The following TUBGCP4 variants were observed in gnomAD, a reference collection of about 807,000 sequenced individuals.
TUBGCP4 encodes the protein gamma-tubulin complex component 4.
TUBGCP4 carries 54 observed loss-of-function variants against 91.6 expected under a neutral mutation model. The ratio of observed to expected loss-of-function variants is 0.59; its 90% CI spans 0.47 to 0.74. The LOEUF is 0.74. Ranked by LOEUF, TUBGCP4 falls within the 30% of genes least tolerant of loss-of-function variation. TUBGCP4 has a pLI of 0.00. For missense variants in TUBGCP4, 593 were observed against 800.9 expected, an observed-to-expected ratio of 0.74 and a Z score of 3.13; for synonymous variants, 297 against 302.8, an observed-to-expected ratio of 0.98 and a Z score of 0.20.
At chr15:43,377,987 G>A in intron 5 of TUBGCP4, 84 bp downstream of exon 5, 1 of 1,090,898 alleles carries the variant, frequency 9.2e-7, no homozygotes, top group Non-Finnish European at 1.3e-6. Flanking sequence ...ATTTTTCGAA[G>A]ACCCTAGTTT....
At chr15:43,372,543 G>T (rs896119019) in intron 1 of TUBGCP4, among the ~76,000 whole-genome samples, 4 of 151,598 alleles carry the variant, frequency 2.6e-5, no homozygotes, top group African/African-American at 7.3e-5. Flanking sequence ...CAGGCATATA[G>T]GAGGACAGTA....
At position 43,408,662 on chromosome 15, in the gene TUBGCP4, AG is replaced by A. The variant is rs2045008582; in HGVS notation, c.*3450del. ...TTAAAACTTAGTTCTCTGACTTTAC[AG>A]GTTGAGAATATTGAACCTATATACA... On this transcript the variant is annotated 3_prime_UTR_variant, in exon 18 of 18. Coordinates refer to ENST00000564079, the MANE Select transcript of TUBGCP4 (RefSeq NM_014444.5). 2.0e-6 allele frequency: 1 copy of A among 510,490 alleles called. No homozygotes were observed. The highest frequency in any genetic ancestry group is 1.9e-5 in the African/African-American group (1 of 52,470). The allele number at this position is 510,490 out of a possible 1,614,324, so 31.6% of individuals were successfully genotyped here. A position where few individuals can be genotyped will look rare whatever the true frequency, so the allele number is the denominator to read the frequency against.
Position 43,405,479 on chromosome 15 carries a change from TTCAATAG to T in TUBGCP4, c.*269_*275del. 1.8e-6 allele frequency: 1 copy of T among 546,242 alleles called. No homozygotes were observed. The highest frequency in any genetic ancestry group is 3.3e-6 in the Non-Finnish European group (1 of 306,288). The allele number at this position is 546,242 out of a possible 1,614,324, so 33.8% of individuals were successfully genotyped here. The stretch of plus-strand genomic sequence containing the variant: ...AACATTTGTTGGATATGTTCATTTA[TTCAATAG>T]TCATTTATTGAGCACCTACTACGTA... On this transcript the variant is annotated 3_prime_UTR_variant, in exon 18 of 18. Transcript: ENST00000564079.
At chr15:43,371,556 A>G (rs1254723480) in intron 1 of TUBGCP4, 124 bp downstream of exon 1, 3 of 949,348 alleles carry the variant, frequency 3.2e-6, no homozygotes, top group East Asian at 5.1e-5. Context: ...GTATCCCTGG[A>G]CAGGTGACTG....
chr15:43,378,719 C>T (rs921402224), intron 5 of TUBGCP4, among the ~76,000 whole-genome samples: 2 of 152,228 alleles, frequency 1.3e-5, no homozygotes, highest in Non-Finnish European at 2.9e-5. Context: ...AGCTGATTGT[C>T]CTCATCAAAT....
rs1319935434 is a variant in TUBGCP4 at position 43,409,468 on chromosome 15, C to CTCTT, written c.*4255_*4258dup. 39 of 536,224 alleles carry CTCTT rather than the reference C, an allele frequency of 7.3e-5. No homozygotes were observed. The highest frequency in any genetic ancestry group is 7.1e-4 in the African/African-American group (38 of 53,160). The allele number at this position is 536,224 out of a possible 1,614,324, so 33.2% of individuals were successfully genotyped here. On this transcript the variant is annotated 3_prime_UTR_variant, in exon 18 of 18. Coordinates refer to ENST00000564079, the MANE Select transcript of TUBGCP4 (RefSeq NM_014444.5). Reference sequence around the variant, plus strand: ...ATTAACTAACCCAAGGTCCTACCTTCTCTTCCCTATACACAACAAAAATTC... The same window carrying CTCTT: ...ATTAACTAACCCAAGGTCCTACCTTCTCTTTCTTCCCTATACACAACAAAAATTC...
chr15:43,393,447 A>T (rs1283629448), intron 9 of TUBGCP4, among the ~76,000 whole-genome samples: 11 of 149,706 alleles, frequency 7.3e-5, no homozygotes, highest in South Asian at 2.1e-4. Context: ...TTTTTTTTTT[A>T]ATTTTATTAT....
chr15:43,407,537 G>T lies in TUBGCP4; in HGVS notation c.*2323G>T. 1 of 1,614,018 alleles carries T rather than the reference G, an allele frequency of 6.2e-7. No homozygotes were observed. The highest frequency in any genetic ancestry group is 8.5e-7 in the Non-Finnish European group (1 of 1,179,956). On this transcript the variant is annotated 3_prime_UTR_variant, in exon 18 of 18. Transcript: ENST00000564079. ...CACCGAGGCTGGGCATGAGGGGTCC[G>T]TCACCACCACATCAAATACCCCTAA...
Position 43,409,382 on chromosome 15 carries a change from G to A in TUBGCP4, c.*4168G>A, listed in dbSNP as rs2045036699. On this transcript the variant is annotated 3_prime_UTR_variant, in exon 18 of 18. Coordinates refer to ENST00000564079, the MANE Select transcript of TUBGCP4 (RefSeq NM_014444.5). ...GGCTAAAAATCAGCAACCCTAATAG[G>A]GGTTTCTACTACTAAACATAAACAT... 3.6e-6 allele frequency: 2 copies of A among 556,260 alleles called. No individual in the cohort carries two copies. Among genetic ancestry groups the A allele is most frequent in the Non-Finnish European group, 6.4e-6 (2 of 313,802 alleles). 34.5% of individuals were successfully genotyped at this position (556,260 alleles called of 1,614,324 possible). A position where few individuals can be genotyped will look rare whatever the true frequency, so the allele number is the denominator to read the frequency against.
Position 43,408,925 on chromosome 15 carries a change from T to C in TUBGCP4, c.*3711T>C. 1.2e-6 allele frequency: 2 copies of C among 1,614,210 alleles called. No homozygotes were observed. The highest frequency in any genetic ancestry group is 1.7e-6 in the Non-Finnish European group (2 of 1,180,032). ...TCCAGAATTCTTTGCTCCTCAAGGC[T>C]GTACCCAGCTGGCAACAGATAATTA... On this transcript the variant is annotated 3_prime_UTR_variant, in exon 18 of 18. Coordinates refer to ENST00000564079, the MANE Select transcript of TUBGCP4 (RefSeq NM_014444.5).
Position 43,405,525 on chromosome 15 carries a change from C to T in TUBGCP4, c.*311C>T, listed in dbSNP as rs908189840. 1 of 381,338 alleles carries T rather than the reference C, an allele frequency of 2.6e-6. No homozygotes were observed. Among genetic ancestry groups the T allele is most frequent in the African/African-American group, 2.0e-5 (1 of 48,946 alleles). The allele number at this position is 381,338 out of a possible 1,614,324, so 23.6% of individuals were successfully genotyped here. ...ACCTACTACGTACCTTGGTACTGTT[C>T]AAGCTGTGGGAGATACAGCGGTAAA... On this transcript the variant is annotated 3_prime_UTR_variant, in exon 18 of 18. Coordinates refer to ENST00000564079, the MANE Select transcript of TUBGCP4 (RefSeq NM_014444.5).
chr15:43,377,807 A>G, intron 4 of TUBGCP4, 40 bp from the exon 5 acceptor site: 1 of 1,505,176 alleles, frequency 6.6e-7, no homozygotes, highest in African/African-American at 1.4e-5. Context: ...TTTCCCTTAC[A>G]TTTGATTACA....
In TUBGCP4 at chr15:43,406,036, G is replaced by C. The variant is rs1250099508; in HGVS notation, c.*822G>C. The C allele has an allele frequency of 1.4e-5, 1 of 72,560 alleles. No homozygotes were observed. The highest frequency in any genetic ancestry group is 9.4e-5 in the African/African-American group (1 of 10,602). 4.5% of individuals were successfully genotyped at this position (72,560 alleles called of 1,614,324 possible). A position where few individuals can be genotyped will look rare whatever the true frequency, so the allele number is the denominator to read the frequency against. On this transcript the variant is annotated 3_prime_UTR_variant, in exon 18 of 18. Transcript: ENST00000564079. ...GCCCGGGCAACAAGAGCGAAATTCC[G>C]TCTCAAAAAAAAAAAAAAAAAAAAA...
intron 13 of TUBGCP4, among the ~76,000 whole-genome samples, chr15:43,399,800 C>G (rs570350166): frequency 3.0e-4 from 46 of 152,174 alleles, no homozygotes; most frequent in African/African-American, 9.2e-4. Context: ...CTGAAATTTC[C>G]CAAGTTATCT....
intron 15 of TUBGCP4, chr15:43,402,299 AAAAG>A (rs1288002543): frequency 6.4e-6 from 1 of 155,252 alleles, no homozygotes; most frequent in African/African-American, 2.4e-5. Flanking sequence ...GATAAAAAAA[AAAAG>A]AATGTGTAAA....
chr15:43,393,603 C>CA (rs1566898061), intron 9 of TUBGCP4, among the ~76,000 whole-genome samples: 1 of 152,034 alleles, frequency 6.6e-6, no homozygotes, highest in Non-Finnish European at 1.5e-5. Flanking sequence ...CCGGTCCCCC[C>CA]ACCCTACAAC....
At chr15:43,397,157 G>A in intron 11 of TUBGCP4, 57 bp from the exon 12 acceptor site, 1 of 1,267,652 alleles carries the variant, frequency 7.9e-7, no homozygotes, top group Non-Finnish European at 1.2e-6. Context: ...AGCTGGAGGA[G>A]TCTGGGTTTG....
chr15:43,386,057 T>G, intron 8 of TUBGCP4, 101 bp downstream of exon 8: 1 of 1,531,930 alleles, frequency 6.5e-7, no homozygotes, highest in Non-Finnish European at 8.8e-7. Context: ...TGGTCGATAA[T>G]ATTCCTATCC....
chr15:43,380,669 C>T (rs2044272908), intron 6 of TUBGCP4, among the ~76,000 whole-genome samples: 2 of 152,018 alleles, frequency 1.3e-5, no homozygotes, highest in Admixed American at 6.5e-5. Context: ...AGAAAATTAC[C>T]AACAGTAGAA....
Sources: gnomAD v4.1 joint callset for allele counts (sites outside exome capture counted in the v4.1 genomes callset) on GRCh38, gnomAD v4.1.1 for gene constraint, MANE v1.5 for transcripts, NCBI Gene and HGNC (gene_info 2026-07-23, HGNC 2026-07-21) for gene names.